The following CTNNA2 variants were observed in gnomAD, a reference collection of about 807,000 sequenced individuals.
CTNNA2 encodes catenin alpha-2.
A neutral mutation model predicts 101.0 loss-of-function variants in CTNNA2; 42 were observed. The ratio of observed to expected loss-of-function variants is 0.42; its 90% CI spans 0.32 to 0.54. CTNNA2 has a LOEUF of 0.54. CTNNA2 is among the 20% of genes least tolerant of loss of function. The probability of loss-of-function intolerance (pLI) is 0.14; values close to 1 mark genes in which losing one functional copy is unlikely to be tolerated. For missense variants in CTNNA2, 871 were observed against 1,223.1 expected (o/e 0.71, Z 4.29); for synonymous variants, 450 against 456.4 (o/e 0.99, Z 0.18).
chr2:79,993,275 C>G (rs1376544727), intron 7 of CTNNA2, among the ~76,000 whole-genome samples: 1 of 152,180 alleles, frequency 6.6e-6, no homozygotes, highest in Non-Finnish European at 1.5e-5. Context: ...TGCTCTGGAA[C>G]TCCAACAACT....
At position 80,093,759 on chromosome 2, in the gene CTNNA2, T is replaced by C. The variant is rs191344348; in HGVS notation, c.1056+183962T>C. 2.4e-3 allele frequency among the ~76,000 whole-genome samples: 361 copies of C among 152,374 alleles called. 3 individuals are homozygous for C. The highest frequency in any genetic ancestry group is 8.3e-3 in the African/African-American group (344 of 41,586). On this transcript the variant is annotated intron_variant, in intron 7 of 18. Transcript: ENST00000402739. ...TTTGTATTTCCCTGATGGCCAGTGATGATGAGCATTTTTTCATGTGTTTTT... is the reference window on the plus strand; with the variant it reads ...TTTGTATTTCCCTGATGGCCAGTGACGATGAGCATTTTTTCATGTGTTTTT...
chr2:80,548,571 C>A (rs1279947526), intron 11 of CTNNA2, among the ~76,000 whole-genome samples: 1 of 152,166 alleles, frequency 6.6e-6, no homozygotes, highest in Non-Finnish European at 1.5e-5. Flanking sequence ...GCTGATAACA[C>A]TGTGCAGTCC....
intron 4 of CTNNA2, among the ~76,000 whole-genome samples, chr2:79,416,238 T>C (rs1678478875): frequency 1.3e-5 from 2 of 150,488 alleles, no homozygotes; most frequent in Admixed American, 1.3e-4. Context: ...CATGTCTCCT[T>C]GTCTTCTTCT....
At chr2:79,830,275 G>C (rs1235523041) in intron 3 of CTNNA2, among the ~76,000 whole-genome samples, 1 of 152,092 alleles carries the variant, frequency 6.6e-6, no homozygotes, top group Non-Finnish European at 1.5e-5. Context: ...TTCCACTTTG[G>C]ACTTCAGAGA....
At chr2:79,705,939 G>A (rs575053898) in intron 2 of CTNNA2, among the ~76,000 whole-genome samples, 9 of 152,298 alleles carry the variant, frequency 5.9e-5, no homozygotes, top group African/African-American at 2.2e-4. Context: ...GAGGTCATAT[G>A]TAAGAAGGGA....
intron 7 of CTNNA2, among the ~76,000 whole-genome samples, chr2:80,332,840 T>C (rs1221278918): frequency 6.6e-6 from 1 of 152,130 alleles, no homozygotes; most frequent in African/African-American, 2.4e-5. Flanking sequence ...TGGTCCAGGG[T>C]TCAGTGGCCC....
intron 9 of CTNNA2, among the ~76,000 whole-genome samples, chr2:80,420,968 A>C (rs968790558): frequency 6.6e-6 from 1 of 152,218 alleles, no homozygotes; most frequent in African/African-American, 2.4e-5. Context: ...CTGTTCTCTC[A>C]TATCAGGCAA....
intron 18 of CTNNA2, among the ~76,000 whole-genome samples, chr2:80,642,408 C>T (rs1214554072): frequency 6.6e-6 from 1 of 152,138 alleles, no homozygotes; most frequent in Non-Finnish European, 1.5e-5. Flanking sequence ...GTATTGTGAG[C>T]TCTTGTGTTT....
At chr2:79,208,066 T>C (rs910651829) in intron 2 of CTNNA2, among the ~76,000 whole-genome samples, 8 of 152,190 alleles carry the variant, frequency 5.3e-5, no homozygotes, top group African/African-American at 1.9e-4. Context: ...CCAGTCTCCC[T>C]TCTCCCTCCT....
intron 7 of CTNNA2, among the ~76,000 whole-genome samples, chr2:80,314,131 G>A (rs927014586): frequency 6.6e-6 from 1 of 152,144 alleles, no homozygotes; most frequent in Non-Finnish European, 1.5e-5. Flanking sequence ...TATAGTGGTG[G>A]CAGTAGATGC....
At chr2:79,977,702 C>A (rs760456521) in intron 7 of CTNNA2, among the ~76,000 whole-genome samples, 25 of 152,118 alleles carry the variant, frequency 1.6e-4, no homozygotes, top group Admixed American at 1.0e-3. Context: ...TAAAATATAA[C>A]GCTTTTTAAA....
intron 4 of CTNNA2, among the ~76,000 whole-genome samples, chr2:79,416,069 A>G (rs1057249266): frequency 2.6e-5 from 4 of 152,094 alleles, no homozygotes; most frequent in African/African-American, 4.8e-5. Context: ...TATTAATAAG[A>G]TACTTGAATC....
chr2:80,205,433 T>C (rs1023045456), intron 7 of CTNNA2, among the ~76,000 whole-genome samples: 1 of 152,222 alleles, frequency 6.6e-6, no homozygotes, highest in Non-Finnish European at 1.5e-5. Context: ...ATAATTAGTG[T>C]TGACACTGAC....
chr2:79,444,808 A>G lies in CTNNA2; in HGVS notation c.-134-60246A>G, dbSNP rs181802098. Among the ~76,000 whole-genome samples, 52 of 152,268 alleles carry G rather than the reference A, an allele frequency of 3.4e-4. No homozygotes were observed. In the East Asian group the frequency reaches 7.7e-3, roughly 23 times the overall value. On this transcript the variant is annotated intron_variant, in intron 4 of 21. Transcript: ENST00000466387. ...GAAAGGGAATTAGGTCACCACTTGC[A>G]TATTCATGATTAAAGTTATGTTAGT...
intron 12 of CTNNA2, among the ~76,000 whole-genome samples, chr2:80,556,357 G>A (rs372961587): frequency 6.6e-6 from 1 of 152,156 alleles, no homozygotes; most frequent in African/African-American, 2.4e-5. Context: ...GAAGAACTCT[G>A]AACCAGCCAG....
chr2:79,868,232 G>C lies in CTNNA2; in HGVS notation c.466-1584G>C, dbSNP rs567606268. Among the ~76,000 whole-genome samples the C allele has an allele frequency of 2.2e-4, 33 of 152,232 alleles. No homozygotes were observed. The South Asian group carries it at 6.6e-3, about 31-fold the overall frequency. The stretch of plus-strand genomic sequence containing the variant: ...AATTAGGGAAAAAAAGAAGACGCAT[G>C]CTTTCCATAGAAGATGAGAATGGAA... On this transcript the variant is annotated intron_variant, in intron 4 of 18. Transcript: ENST00000402739.
chr2:79,493,102 C>T (rs146632375), intron 4 of CTNNA2, among the ~76,000 whole-genome samples: 1 of 151,962 alleles, frequency 6.6e-6, no homozygotes, highest in African/African-American at 2.4e-5. Flanking sequence ...GGTTAAGCCT[C>T]TAAAATGAGG....
At chr2:79,994,586 T>TG (rs1558710021) in intron 7 of CTNNA2, among the ~76,000 whole-genome samples, 2 of 147,006 alleles carry the variant, frequency 1.4e-5, no homozygotes, top group South Asian at 2.2e-4. Context: ...TTCTGTTTCA[T>TG]AGGAAAAAAA....
At chr2:80,058,897 C>A (rs144109550) in intron 7 of CTNNA2, among the ~76,000 whole-genome samples, 2 of 152,242 alleles carry the variant, frequency 1.3e-5, no homozygotes, top group Admixed American at 6.5e-5. Context: ...CCAGGAAATG[C>A]GTGTCAGCCA....
Sources: gnomAD v4.1 joint callset for allele counts (sites outside exome capture counted in the v4.1 genomes callset) on GRCh38, gnomAD v4.1.1 for gene constraint, MANE v1.5 for transcripts, NCBI Gene and HGNC (gene_info 2026-07-23, HGNC 2026-07-21) for gene names.